RANBP2: variants seen among roughly 807,000 people sequenced by gnomAD.
RANBP2 encodes the protein E3 SUMO-protein ligase RanBP2.
A neutral mutation model predicts 303.6 loss-of-function variants in RANBP2; 57 were observed. That is an observed-to-expected ratio of 0.19 (90% CI 0.15 to 0.23). The LOEUF (loss-of-function observed/expected upper bound fraction) is 0.23, where lower values mean the gene tolerates loss of function less well. Among genes scored for constraint, RANBP2 ranks in the 10% least tolerant of loss-of-function variants. The pLI, the probability that RANBP2 is intolerant of heterozygous loss-of-function variation, is 1.00. For synonymous variants in RANBP2, 1,167 were observed against 1,301.5 expected (o/e 0.90, Z 2.23); for missense variants, 3,138 against 3,780.8 (o/e 0.83, Z 4.46).
the RANBP2 span, among the ~76,000 whole-genome samples, chr2:108,854,030 T>A: frequency 7.5e-5 from 8 of 106,032 alleles, no homozygotes; most frequent in African/African-American, 3.0e-4. Flanking sequence ...AAATTTATAT[T>A]ATATATAATA....
the RANBP2 span, among the ~76,000 whole-genome samples, chr2:109,410,343 G>T: frequency 6.6e-6 from 1 of 152,238 alleles, no homozygotes; most frequent in Non-Finnish European, 1.5e-5. Flanking sequence ...AGATGCAGGA[G>T]CAATGGAGCT....
At chr2:109,267,816 G>A in the RANBP2 span, among the ~76,000 whole-genome samples, 3 of 152,218 alleles carry the variant, frequency 2.0e-5, no homozygotes, top group African/African-American at 7.2e-5. Context: ...GGGAGGGAGA[G>A]GCCCTGTGGT....
the RANBP2 span, chr2:108,846,633 C>T: frequency 6.9e-3 from 6,201 of 900,288 alleles, 63 homozygotes; most frequent in East Asian, 0.03. Context: ...GCCATGATTG[C>T]GCTACTGCAT....
At chr2:109,425,130 T>C in the RANBP2 span, among the ~76,000 whole-genome samples, 1 of 152,244 alleles carries the variant, frequency 6.6e-6, no homozygotes, top group Non-Finnish European at 1.5e-5. Flanking sequence ...AACATTCCCT[T>C]AAGCCAAAGC....
chr2:109,510,770 G>T, the RANBP2 span, among the ~76,000 whole-genome samples: 2 of 152,230 alleles, frequency 1.3e-5, no homozygotes. Context: ...GCTAAAGCCA[G>T]GGTGAGCAGA....
chr2:109,064,834 G>A, the RANBP2 span, among the ~76,000 whole-genome samples: 6 of 152,120 alleles, frequency 3.9e-5, no homozygotes. Flanking sequence ...ATCCAGTCCT[G>A]TTTGACACTT....
At chr2:109,612,158 G>C in the RANBP2 span, among the ~76,000 whole-genome samples, 2 of 151,892 alleles carry the variant, frequency 1.3e-5, no homozygotes, top group Non-Finnish European at 2.9e-5. Flanking sequence ...GCAACAACCT[G>C]GATGAATCTC....
At chr2:109,031,385 C>A in the RANBP2 span, among the ~76,000 whole-genome samples, 1 of 152,152 alleles carries the variant, frequency 6.6e-6, no homozygotes, top group Admixed American at 6.5e-5. Flanking sequence ...CTTCCTCCAG[C>A]CTTCTTATAA....
the RANBP2 span, among the ~76,000 whole-genome samples, chr2:109,686,410 G>A: frequency 3.3e-5 from 5 of 152,110 alleles, no homozygotes; most frequent in Admixed American, 3.3e-4. Flanking sequence ...TGCCTCCCGG[G>A]TTCACGCCAT....
the RANBP2 span, among the ~76,000 whole-genome samples, chr2:109,260,147 A>G: frequency 6.6e-6 from 1 of 152,204 alleles, no homozygotes; most frequent in Non-Finnish European, 1.5e-5. Flanking sequence ...TATTTAGGGA[A>G]TAAATGCATT....
the RANBP2 span, among the ~76,000 whole-genome samples, chr2:109,034,270 CAAAAAAAAAAAA>C: frequency 1.1e-4 from 4 of 38,094 alleles, no homozygotes; most frequent in Admixed American, 4.7e-4. Context: ...GACTCCATCT[CAAAAAAAAAAAA>C]AAAAAAAAAA....
the RANBP2 span, among the ~76,000 whole-genome samples, chr2:109,296,390 G>GTT: frequency 7.1e-3 from 1,061 of 148,506 alleles, 11 homozygotes; most frequent in African/African-American, 0.025. Context: ...ACCACACCCA[G>GTT]TTTTTTTTTT....
chr2:109,732,223 G>A, the RANBP2 span, among the ~76,000 whole-genome samples: 1 of 151,968 alleles, frequency 6.6e-6, no homozygotes, highest in Non-Finnish European at 1.5e-5. Context: ...TTAATTGCAG[G>A]CCTAGATCCT....
chr2:109,726,787 C>T, the RANBP2 span, among the ~76,000 whole-genome samples: 6 of 152,214 alleles, frequency 3.9e-5, no homozygotes, highest in Non-Finnish European at 5.9e-5. Context: ...AGGAAATCCA[C>T]CCACTGAGAG....
chr2:109,667,308 A>G, the RANBP2 span: 2 of 624,726 alleles, frequency 3.2e-6, no homozygotes, highest in African/African-American at 1.9e-5. Context: ...CCTGTGGCCA[A>G]TTGACTGCCA....
the RANBP2 span, among the ~76,000 whole-genome samples, chr2:109,134,529 C>T: frequency 1.3e-5 from 2 of 152,162 alleles, no homozygotes; most frequent in African/African-American, 4.8e-5. Flanking sequence ...GTGAATGAAG[C>T]CTCTGCTGAG....
the RANBP2 span, among the ~76,000 whole-genome samples, chr2:109,146,400 G>A: frequency 2.6e-5 from 4 of 152,148 alleles, no homozygotes; most frequent in Non-Finnish European, 5.9e-5. Flanking sequence ...TGTATCACTG[G>A]CCCATTTCTG....
chr2:108,853,895 ATATAT>A, the RANBP2 span, among the ~76,000 whole-genome samples: 134 of 119,546 alleles, frequency 1.1e-3, no homozygotes, highest in African/African-American at 4.7e-3. Flanking sequence ...TATATAGTAT[ATATAT>A]TATATATTAT....
chr2:108,910,623 A>G, the RANBP2 span: 13 of 1,391,796 alleles, frequency 9.3e-6, no homozygotes, highest in Admixed American at 2.0e-4. Context: ...TGTTGGGCAG[A>G]GCTGCCCGGT....
Sources: allele counts gnomAD v4.1 joint callset (sites outside exome capture counted in the v4.1 genomes callset), GRCh38; gene constraint gnomAD v4.1.1; transcripts MANE v1.5; gene names NCBI Gene and HGNC (gene_info 2026-07-23, HGNC 2026-07-21).